Variants in LIMCH1 observed in about 807,000 individuals in gnomAD.
LIMCH1 encodes the protein LIM and calponin homology domains-containing protein 1.
In LIMCH1, 113 loss-of-function variants were observed where a neutral mutation model predicts 176.5. That is an observed-to-expected ratio of 0.64 (90% CI 0.55 to 0.75). The LOEUF is 0.75. Among genes scored for constraint, LIMCH1 ranks in the 30% least tolerant of loss-of-function variants. The probability of loss-of-function intolerance (pLI) is 0.00; values close to 1 mark genes in which losing one functional copy is unlikely to be tolerated. For missense variants in LIMCH1, 1,674 were observed against 1,814.9 expected (o/e 0.92, Z 1.41); for synonymous variants, 619 against 645.9 (o/e 0.96, Z 0.63).
At chr4:41,620,838 A>G in intron 7 of LIMCH1, 148 bp downstream of exon 7, 1 of 957,744 alleles carries the variant, frequency 1.0e-6, no homozygotes, top group Non-Finnish European at 1.5e-6. Flanking sequence ...CACGTAGATG[A>G]TAGTCTTTGC....
intron 1 of LIMCH1, among the ~76,000 whole-genome samples, chr4:41,397,874 A>G (rs1319440015): frequency 6.6e-6 from 1 of 152,186 alleles, no homozygotes; most frequent in East Asian, 1.9e-4. Flanking sequence ...CGTAGAGTTT[A>G]TAATGGTTAT....
intron 1 of LIMCH1, among the ~76,000 whole-genome samples, chr4:41,553,574 A>G (rs2080833283): frequency 1.3e-5 from 2 of 152,126 alleles, no homozygotes; most frequent in Admixed American, 6.6e-5. Context: ...CTAAGTCTTG[A>G]GAATCCCTGT....
intron 2 of LIMCH1, among the ~76,000 whole-genome samples, chr4:41,602,798 C>T (rs1413230773): frequency 6.6e-6 from 1 of 151,948 alleles, no homozygotes; most frequent in Non-Finnish European, 1.5e-5. Flanking sequence ...CAGAGTGAGG[C>T]TCAGTCTCAA....
intron 27 of LIMCH1, among the ~76,000 whole-genome samples, chr4:41,685,056 T>G (rs1328553088): frequency 6.6e-6 from 1 of 152,166 alleles, no homozygotes; most frequent in Non-Finnish European, 1.5e-5. Flanking sequence ...CCTAGATAAC[T>G]GAAACTTCAA....
At chr4:41,679,627 C>T (rs1302092858) in intron 23 of LIMCH1, among the ~76,000 whole-genome samples, 2 of 152,102 alleles carry the variant, frequency 1.3e-5, no homozygotes, top group Admixed American at 6.5e-5. Flanking sequence ...ACACTCTCCT[C>T]GCAGCAATGC....
intron 4 of LIMCH1, among the ~76,000 whole-genome samples, chr4:41,611,513 A>G (rs1008219081): frequency 6.6e-6 from 1 of 152,204 alleles, no homozygotes; most frequent in African/African-American, 2.4e-5. Context: ...CTGTAACTGT[A>G]CCAAAGATGA....
At chr4:41,381,575 C>T (rs2055677161) in intron 1 of LIMCH1, among the ~76,000 whole-genome samples, 1 of 152,152 alleles carries the variant, frequency 6.6e-6, no homozygotes, top group Non-Finnish European at 1.5e-5. Flanking sequence ...TTTCCTGACT[C>T]CTTGGATTCG....
intron 2 of LIMCH1, among the ~76,000 whole-genome samples, chr4:41,508,181 G>A (rs2074411759): frequency 6.6e-6 from 1 of 152,162 alleles, no homozygotes; most frequent in African/African-American, 2.4e-5. Flanking sequence ...AGTAGTGGGG[G>A]CAAGATTGTG....
intron 2 of LIMCH1, among the ~76,000 whole-genome samples, chr4:41,602,281 A>G (rs1379312924): frequency 6.6e-6 from 1 of 152,152 alleles, no homozygotes; most frequent in Non-Finnish European, 1.5e-5. Context: ...ATTCCAAGGA[A>G]TCAAAGCAAC....
intron 1 of LIMCH1, among the ~76,000 whole-genome samples, chr4:41,394,674 C>A (rs1239246942): frequency 2.0e-5 from 3 of 152,250 alleles, no homozygotes; most frequent in East Asian, 3.9e-4. Flanking sequence ...CCTTAATGTT[C>A]CCCTGGAAAT....
intron 1 of LIMCH1, among the ~76,000 whole-genome samples, chr4:41,539,564 G>A (rs1052032910): frequency 1.2e-4 from 19 of 152,180 alleles, no homozygotes; most frequent in Non-Finnish European, 2.5e-4. Flanking sequence ...CCTCCTTACA[G>A]CTGCCAATAC....
At chr4:41,419,897 C>T (rs1169079256) in intron 1 of LIMCH1, among the ~76,000 whole-genome samples, 1 of 151,786 alleles carries the variant, frequency 6.6e-6, no homozygotes, top group Middle Eastern at 3.4e-3. Context: ...GATATAACTT[C>T]GAACCAGATG....
chr4:41,411,505 C>T (rs1483390796), intron 1 of LIMCH1, among the ~76,000 whole-genome samples: 1 of 152,040 alleles, frequency 6.6e-6, no homozygotes, highest in Non-Finnish European at 1.5e-5. Flanking sequence ...TACTGCCCAG[C>T]TTGCTGTTTT....
chr4:41,596,881 C>T (rs1282329896), intron 1 of LIMCH1, among the ~76,000 whole-genome samples: 1 of 152,162 alleles, frequency 6.6e-6, no homozygotes, highest in African/African-American at 2.4e-5. Context: ...TGAAAAAAGA[C>T]CTAGGCTTTA....
At chr4:41,585,651 C>T (rs541158335) in intron 1 of LIMCH1, among the ~76,000 whole-genome samples, 7 of 152,334 alleles carry the variant, frequency 4.6e-5, no homozygotes, top group South Asian at 4.1e-4. Context: ...TACATTCTCA[C>T]CAGCAATGCA....
intron 2 of LIMCH1, among the ~76,000 whole-genome samples, chr4:41,506,803 A>T (rs576594108): frequency 1.3e-5 from 2 of 152,064 alleles, no homozygotes; most frequent in Non-Finnish European, 2.9e-5. Flanking sequence ...TGTGGTTTTT[A>T]TCCCTCATAA....
At chr4:41,362,886 T>C (rs1411126705) in intron 1 of LIMCH1, among the ~76,000 whole-genome samples, 2 of 152,156 alleles carry the variant, frequency 1.3e-5, no homozygotes, top group African/African-American at 4.8e-5. Flanking sequence ...TTAAGCCCTA[T>C]AGACAGTTTG....
intron 2 of LIMCH1, among the ~76,000 whole-genome samples, chr4:41,521,922 A>C (rs116250353): frequency 0.066 from 10,100 of 152,180 alleles, 387 homozygotes; most frequent in African/African-American, 0.082. Flanking sequence ...AATATTAAAA[A>C]CAGCTTAAAA....
chr4:41,685,854 G>A (rs377467234), intron 28 of LIMCH1, 24 bp downstream of exon 28: 1 of 1,601,662 alleles, frequency 6.2e-7, no homozygotes, highest in East Asian at 2.2e-5. Flanking sequence ...CACGATGGTT[G>A]TGGGATTCCC....
Sources: gnomAD v4.1 joint callset for allele counts (sites outside exome capture counted in the v4.1 genomes callset) on GRCh38, gnomAD v4.1.1 for gene constraint, MANE v1.5 for transcripts, NCBI Gene and HGNC (gene_info 2026-07-23, HGNC 2026-07-21) for gene names.